COL27A1: variants seen among roughly 807,000 people sequenced by gnomAD.
COL27A1 encodes collagen alpha-1(XXVII) chain.
In COL27A1, 106 loss-of-function variants were observed where a neutral mutation model predicts 251.3. The observed-to-expected ratio is 0.42, with a 90% confidence interval of 0.36 to 0.50. The LOEUF is 0.50. Among genes scored for constraint, COL27A1 ranks in the 20% least tolerant of loss-of-function variants. The pLI is 0.00. For synonymous variants in COL27A1, 1,000 were observed against 986.3 expected, an observed-to-expected ratio of 1.01 and a Z score of -0.26; for missense variants, 2,325 against 2,522.8, an observed-to-expected ratio of 0.92 and a Z score of 1.68.
intron 20 of COL27A1, 33 bp from the exon 21 acceptor site, chr9:114,240,393 GTACCGCCT>G (rs1182449258): frequency 3.1e-6 from 5 of 1,607,426 alleles, no homozygotes; most frequent in Non-Finnish European, 4.3e-6. Flanking sequence ...GGAGATGGAG[GTACCGCCT>G]CTGAGACTCC....
intron 15 of COL27A1, 70 bp from the exon 16 acceptor site, chr9:114,231,752 T>C (rs1336576108): frequency 1.3e-6 from 2 of 1,533,768 alleles, no homozygotes; most frequent in African/African-American, 2.7e-5. Context: ...GCAAGTCGTG[T>C]TTAAGCCAGG....
intron 40 of COL27A1, 52 bp from the exon 41 acceptor site, chr9:114,284,670 CTT>C: frequency 6.3e-7 from 1 of 1,589,360 alleles, no homozygotes; most frequent in Admixed American, 1.7e-5. Flanking sequence ...AGTCCATGTC[CTT>C]TGTCCTTCCT....
At chr9:114,255,299 C>G (rs1833845877) in intron 27 of COL27A1, among the ~76,000 whole-genome samples, 1 of 152,126 alleles carries the variant, frequency 6.6e-6, no homozygotes, top group African/African-American at 2.4e-5. Flanking sequence ...GGCCCGGCCT[C>G]CCTCCCAGTG....
Position 114,311,638 on chromosome 9 carries a change from T to C in COL27A1, c.*943T>C, listed in dbSNP as rs2131709834. On this transcript the variant is annotated 3_prime_UTR_variant, in exon 61 of 61. Transcript: ENST00000356083. Reference sequence around the variant, plus strand: ...GAGATTTACCATATAACTTATGGACTTTGAAATGTCTGTCCTTTTAAGGCA... The same window carrying C: ...GAGATTTACCATATAACTTATGGACCTTGAAATGTCTGTCCTTTTAAGGCA... 1 of 151,468 alleles carries C rather than the reference T, an allele frequency of 6.6e-6. No individual in the cohort carries two copies. The highest frequency in any genetic ancestry group is 1.5e-5 in the Non-Finnish European group (1 of 67,930). 9.4% of individuals were successfully genotyped at this position (151,468 alleles called of 1,614,324 possible).
chr9:114,246,705 G>A (rs1041273584), intron 24 of COL27A1, among the ~76,000 whole-genome samples: 1 of 152,160 alleles, frequency 6.6e-6, no homozygotes. Flanking sequence ...AGTCACACAC[G>A]ATGGGCTTCC....
intron 1 of COL27A1, among the ~76,000 whole-genome samples, chr9:114,161,342 C>T (rs941544797): frequency 3.3e-5 from 5 of 152,180 alleles, no homozygotes; most frequent in African/African-American, 1.2e-4. Context: ...CAGTCACTGG[C>T]ATGGCAAATG....
At chr9:114,220,107 G>GA (rs1181615704) in intron 13 of COL27A1, among the ~76,000 whole-genome samples, 25 of 152,268 alleles carry the variant, frequency 1.6e-4, no homozygotes, top group African/African-American at 5.8e-4. Flanking sequence ...CCATTTCCAG[G>GA]ACTTTGGAAG....
chr9:114,205,408 G>T (rs1313656946), intron 8 of COL27A1, among the ~76,000 whole-genome samples: 3 of 152,262 alleles, frequency 2.0e-5, no homozygotes, highest in Admixed American at 2.0e-4. Flanking sequence ...TGAATAGCTG[G>T]CCTGTTCCGG....
At chr9:114,218,085 T>C in intron 12 of COL27A1, 1 of 315,826 alleles carries the variant, frequency 3.2e-6, no homozygotes, top group Non-Finnish European at 6.2e-6. Context: ...TCAGCCTGGA[T>C]GACAGAGTGA....
rs556895083 is a variant in COL27A1, at chr9:114,167,034, G to A, written c.134-655G>A. ...CGGGAGTGGGAAGGGGAATGGGTGG[G>A]TCCCTGAGGAGATGGTGAAACCTGT... On this transcript the variant is annotated intron_variant, in intron 2 of 60. Coordinates refer to ENST00000356083, the MANE Select transcript of COL27A1 (RefSeq NM_032888.4). Among the ~76,000 whole-genome samples, 160 of 152,290 alleles carry A rather than the reference G, an allele frequency of 1.1e-3. 1 individual carries two copies. Among genetic ancestry groups the A allele is most frequent in the Non-Finnish European group, 1.7e-3 (113 of 68,028 alleles).
In COL27A1 at chr9:114,290,466, G is replaced by A. The variant is rs1219678181; in HGVS notation, c.4368+135G>A. ...AACCAACACATCCAGAAGTTCTCTGGGGTGGGCAACCATCTCCTCCCCTGG... is the reference window on the plus strand; with the variant it reads ...AACCAACACATCCAGAAGTTCTCTGAGGTGGGCAACCATCTCCTCCCCTGG... On this transcript the variant is annotated intron_variant, in intron 47 of 60. Coordinates refer to ENST00000356083, the MANE Select transcript of COL27A1 (RefSeq NM_032888.4). The surrounding 1 kb of genome is among the most constrained non-coding windows in gnomAD (Gnocchi z 4.6). The A allele has an allele frequency of 6.3e-6, 5 of 791,424 alleles. No individual in the cohort carries two copies. The highest frequency in any genetic ancestry group is 1.1e-5 in the Non-Finnish European group (5 of 474,210). The allele number at this position is 791,424 out of a possible 1,614,324, so 49.0% of individuals were successfully genotyped here.
intron 7 of COL27A1, among the ~76,000 whole-genome samples, chr9:114,201,440 A>G (rs1168424808): frequency 6.6e-6 from 1 of 151,426 alleles, no homozygotes; most frequent in Non-Finnish European, 1.5e-5. Flanking sequence ...GAGCATAAGC[A>G]CCTCCCACCG....
chr9:114,180,052 C>T (rs1183555234), intron 4 of COL27A1, among the ~76,000 whole-genome samples: 1 of 151,982 alleles, frequency 6.6e-6, no homozygotes, highest in East Asian at 1.9e-4. Flanking sequence ...GTTAGCCAGG[C>T]TGGTCTCAAA....
chr9:114,225,981 C>T (rs1390018896), intron 14 of COL27A1, among the ~76,000 whole-genome samples: 1 of 152,140 alleles, frequency 6.6e-6, no homozygotes, highest in African/African-American at 2.4e-5. Flanking sequence ...GCCTCAATTC[C>T]AGTGAGCCAC....
At chr9:114,182,754 C>T (rs963083154) in intron 4 of COL27A1, among the ~76,000 whole-genome samples, 10 of 152,278 alleles carry the variant, frequency 6.6e-5, no homozygotes, top group Middle Eastern at 3.4e-3. Flanking sequence ...TTGGCATCCT[C>T]GTCTTCAAAA....
chr9:114,210,478 C>T (rs1004412222), intron 11 of COL27A1, among the ~76,000 whole-genome samples: 1 of 152,166 alleles, frequency 6.6e-6, no homozygotes, highest in African/African-American at 2.4e-5. Context: ...GGTGGTGGGA[C>T]TGGTTTGGTG....
chr9:114,247,882 TCA>T (rs1833253229), intron 24 of COL27A1, among the ~76,000 whole-genome samples: 1 of 151,146 alleles, frequency 6.6e-6, no homozygotes, highest in Admixed American at 6.6e-5. Context: ...GCAAAAGTAA[TCA>T]CAGTTTTTAG....
In COL27A1 at chr9:114,311,969, G is replaced by A. The variant is rs1829477049; in HGVS notation, c.*1274G>A. Reference sequence around the variant, plus strand: ...ATTCTGTAGAAACCCATTGTCATTAGCTCCAAGTGTAAATTTGGGTCAAGG... The same window carrying A: ...ATTCTGTAGAAACCCATTGTCATTAACTCCAAGTGTAAATTTGGGTCAAGG... On this transcript the variant is annotated 3_prime_UTR_variant, in exon 61 of 61. Coordinates refer to ENST00000356083, the MANE Select transcript of COL27A1 (RefSeq NM_032888.4). 1 of 152,180 alleles carries A rather than the reference G, an allele frequency of 6.6e-6. No individual in the cohort carries two copies. Among genetic ancestry groups the A allele is most frequent in the Non-Finnish European group, 1.5e-5 (1 of 68,042 alleles). The allele number at this position is 152,180 out of a possible 1,614,324, so 9.4% of individuals were successfully genotyped here.
In COL27A1 at chr9:114,231,846, C is replaced by T; in HGVS notation, c.2545C>T (p.Pro849Ser). The change falls in exon 16 of 61, where the codon CCC becomes TCC. Residue 849 changes from proline (P) to serine (S), a missense_variant. Pro to Ser is a moderately conservative substitution (Grantham distance 74). Transcript: ENST00000356083. The stretch of plus-strand genomic sequence containing the variant: ...GGGACTGATGGGCAGCGTGGGGGAG[C>T]CCGGACTGAAAGGTGATAAGGTGAT... ...MKGLMGSVGE[P>S]GLKGDKGEQG... 3.1e-6 allele frequency: 5 copies of T among 1,614,104 alleles called. No individual in the cohort carries two copies. The highest frequency in any genetic ancestry group is 3.4e-6 in the Non-Finnish European group (4 of 1,179,986).
Sources: allele counts gnomAD v4.1 joint callset (sites outside exome capture counted in the v4.1 genomes callset), GRCh38; gene constraint gnomAD v4.1.1; non-coding constraint Gnocchi (gnomAD v3.1); transcripts MANE v1.5; gene names NCBI Gene and HGNC (gene_info 2026-07-23, HGNC 2026-07-21).